PATJ: variants seen among roughly 807,000 people sequenced by gnomAD.
PATJ encodes inaD-like protein.
PATJ carries 190 observed loss-of-function variants against 224.9 expected under a neutral mutation model. That is an observed-to-expected ratio of 0.84 (90% CI 0.75 to 0.95). PATJ has a LOEUF of 0.95. PATJ is among the 40% of genes least tolerant of loss of function. PATJ has a pLI of 0.00. For synonymous variants in PATJ, 769 were observed against 820.3 expected (o/e 0.94, Z 1.07); for missense variants, 2,121 against 2,270.3 (o/e 0.93, Z 1.34).
At position 62,018,603 on chromosome 1, in the gene PATJ, G is replaced by A. The variant is rs1423400034; in HGVS notation, c.3959+656G>A. 6.6e-6 allele frequency among the ~76,000 whole-genome samples: 1 copy of A among 152,126 alleles called. No homozygotes were observed. Among genetic ancestry groups the A allele is most frequent in the Non-Finnish European group, 1.5e-5 (1 of 68,024 alleles). ...ACAAGTAAATCTGAATTACTTTTAG[G>A]TCATGTACCTAACCCTCTATGTTCA... is the stretch of plus-strand genomic sequence containing the variant. On this transcript the variant is annotated intron_variant, in intron 29 of 43. Transcript: ENST00000642238. This position sits in a 1 kb window ranked among gnomAD's most constrained non-coding sequence, Gnocchi z 4.2.
chr1:61,801,942 T>A (rs1225104810), intron 12 of PATJ, among the ~76,000 whole-genome samples, 173 bp downstream of exon 12: 1 of 151,746 alleles, frequency 6.6e-6, no homozygotes, highest in East Asian at 1.9e-4. Flanking sequence ...TTTTCTTTTT[T>A]TTTTTTAATT....
intron 33 of PATJ, among the ~76,000 whole-genome samples, chr1:62,093,904 A>G (rs576206798): frequency 6.6e-6 from 1 of 152,200 alleles, no homozygotes. Context: ...ATATAAAGCC[A>G]TTTCTTTTTT....
At chr1:61,792,580 G>T (rs1373754067) in intron 9 of PATJ, among the ~76,000 whole-genome samples, 1 of 151,890 alleles carries the variant, frequency 6.6e-6, no homozygotes, top group Non-Finnish European at 1.5e-5. Flanking sequence ...GCCCAGGCTG[G>T]AGTGCAGTGG....
At chr1:61,925,680 G>C (rs1675088850) in intron 26 of PATJ, among the ~76,000 whole-genome samples, 1 of 152,022 alleles carries the variant, frequency 6.6e-6, no homozygotes, top group East Asian at 1.9e-4. Context: ...CTCCAAAACT[G>C]TTCAAAGTAT....
At chr1:62,023,863 G>GC (rs1436795375) in intron 29 of PATJ, among the ~76,000 whole-genome samples, 1 of 152,122 alleles carries the variant, frequency 6.6e-6, no homozygotes, top group Non-Finnish European at 1.5e-5. Context: ...TCATTTTGAG[G>GC]TGTTCCTTTA....
chr1:61,832,622 G>A (rs1190991388), intron 16 of PATJ, among the ~76,000 whole-genome samples: 1 of 152,116 alleles, frequency 6.6e-6, no homozygotes, highest in Non-Finnish European at 1.5e-5. Context: ...ACTATTTATT[G>A]TGTGCCTACT....
chr1:62,141,397 G>A (rs531116767), intron 41 of PATJ, among the ~76,000 whole-genome samples: 1 of 152,252 alleles, frequency 6.6e-6, no homozygotes, highest in Non-Finnish European at 1.5e-5. Context: ...GAGCATAGCC[G>A]GGCGCGTTGG....
intron 28 of PATJ, among the ~76,000 whole-genome samples, chr1:61,992,115 T>C (rs12728194): frequency 0.24 from 34,924 of 144,458 alleles, 4,403 homozygotes; most frequent in East Asian, 0.44. Context: ...CCCTGTGGGA[T>C]TCTTTTTTTT....
chr1:61,789,047 G>A (rs1334777261), intron 8 of PATJ, among the ~76,000 whole-genome samples: 1 of 152,228 alleles, frequency 6.6e-6, no homozygotes, highest in East Asian at 1.9e-4. Flanking sequence ...GGTGGCTTAC[G>A]CCTCTAATGC....
rs1014457877 is a variant in PATJ at position 61,941,096 on chromosome 1, G to T, written c.3670+13267G>T. Among the ~76,000 whole-genome samples the T allele has an allele frequency of 2.6e-5, 4 of 152,162 alleles. No homozygotes were observed. In the East Asian group the frequency reaches 7.7e-4, roughly 29 times the overall value. ...GGCATATTTCCTATGGAATTTTGAT[G>T]CTGTAGGGTTGACATTTTACTTTAA... On this transcript the variant is annotated intron_variant, in intron 27 of 43. Coordinates refer to ENST00000642238, the MANE Select transcript of PATJ (RefSeq NM_001350145.3).
At chr1:61,986,965 T>C (rs1172487599) in intron 27 of PATJ, among the ~76,000 whole-genome samples, 1 of 152,058 alleles carries the variant, frequency 6.6e-6, no homozygotes, top group Non-Finnish European at 1.5e-5. Context: ...TTAACTTTTC[T>C]TGTTCTCTGG....
chr1:62,082,234 C>G (rs370740042), intron 32 of PATJ, among the ~76,000 whole-genome samples: 1 of 152,070 alleles, frequency 6.6e-6, no homozygotes, highest in East Asian at 1.9e-4. Flanking sequence ...TGCTGTTAAC[C>G]AGGAGGCCTT....
chr1:61,952,253 TGAGAGAGAGA>T, intron 27 of PATJ: 2 of 475,072 alleles, frequency 4.2e-6, no homozygotes, highest in Non-Finnish European at 3.8e-6. Flanking sequence ...GAACAAAATC[TGAGAGAGAGA>T]GAGAGAGAGA....
Position 62,045,225 on chromosome 1 carries a change from TAAAAA to T in PATJ, c.4033-5731_4033-5727del, listed in dbSNP as rs761133678. On this transcript the variant is annotated intron_variant, in intron 30 of 43. Transcript: ENST00000642238. ...AACAACCGTGAAACTCCGTCTCAAA[TAAAAA>T]AAAAAAAAAGGAAATGTTTTTTCAA... 3.7e-3 allele frequency among the ~76,000 whole-genome samples: 382 copies of T among 104,596 alleles called. 3 individuals carry two copies. The highest frequency in any genetic ancestry group is 0.013 in the African/African-American group (368 of 27,862). 68.6% of individuals were successfully genotyped at this position (104,596 alleles called of 152,430 possible).
intron 31 of PATJ, among the ~76,000 whole-genome samples, chr1:62,054,157 CAGCCT>C (rs1654140745): frequency 6.6e-6 from 1 of 151,552 alleles, no homozygotes; most frequent in Non-Finnish European, 1.5e-5. Flanking sequence ...AGTTCCAGAC[CAGCCT>C]AGGCAACATT....
At chr1:61,924,648 C>T (rs946916353) in intron 26 of PATJ, among the ~76,000 whole-genome samples, 3 of 152,084 alleles carry the variant, frequency 2.0e-5, no homozygotes, top group African/African-American at 4.8e-5. Context: ...TTAAATAATG[C>T]TCACTTATAT....
At chr1:61,918,332 C>T (rs1218532336) in intron 26 of PATJ, among the ~76,000 whole-genome samples, 1 of 122,164 alleles carries the variant, frequency 8.2e-6, no homozygotes, top group Non-Finnish European at 1.6e-5. Context: ...TTTTTGGAGA[C>T]AGTCTTGCTG....
chr1:62,117,864 A>G lies in PATJ; in HGVS notation c.4890+646A>G, dbSNP rs539773268. Among the ~76,000 whole-genome samples, 75 of 152,272 alleles carry G rather than the reference A, an allele frequency of 4.9e-4. 1 individual carries two copies. In the South Asian group the frequency reaches 0.015, roughly 30 times the overall value. Reference sequence around the variant, plus strand: ...GCCCCATGTGGTACATAATGAGACTATAGAAACTTATATGTGACCCCTAAG... The same window carrying G: ...GCCCCATGTGGTACATAATGAGACTGTAGAAACTTATATGTGACCCCTAAG... On this transcript the variant is annotated intron_variant, in intron 37 of 43. Transcript: ENST00000642238.
At chr1:61,935,695 G>A (rs1676745972) in intron 27 of PATJ, among the ~76,000 whole-genome samples, 1 of 152,052 alleles carries the variant, frequency 6.6e-6, no homozygotes, top group South Asian at 2.1e-4. Flanking sequence ...GGAGGCTGGG[G>A]CAGGAGGATC....
Sources: allele counts gnomAD v4.1 joint callset (sites outside exome capture counted in the v4.1 genomes callset), GRCh38; gene constraint gnomAD v4.1.1; non-coding constraint Gnocchi (gnomAD v3.1); transcripts MANE v1.5; gene names NCBI Gene and HGNC (gene_info 2026-07-23, HGNC 2026-07-21).